Variants in SHISA9 observed in about 807,000 individuals in gnomAD.
SHISA9 encodes the protein protein shisa-9.
A neutral mutation model predicts 38.0 loss-of-function variants in SHISA9; 13 were observed. The ratio of observed to expected loss-of-function variants is 0.34; its 90% confidence interval spans 0.22 to 0.54. The LOEUF (loss-of-function observed/expected upper bound fraction) is 0.54, where lower values mean the gene tolerates loss of function less well. Among genes scored for constraint, SHISA9 ranks in the 20% least tolerant of loss-of-function variants. SHISA9 has a pLI of 0.91. For missense variants in SHISA9, 538 were observed against 575.8 expected (o/e 0.93, Z 0.67); for synonymous variants, 275 against 242.0 (o/e 1.14, Z -1.27).
intron 1 of SHISA9, chr16:12,910,674 C>G: frequency 1.0e-6 from 1 of 985,350 alleles, no homozygotes; most frequent in Non-Finnish European, 1.2e-6. Context: ...ACATAATTCT[C>G]CTGAACTGGG....
the SHISA9 span, among the ~76,000 whole-genome samples, chr16:13,362,073 A>G: frequency 6.6e-6 from 1 of 152,108 alleles, no homozygotes; most frequent in Non-Finnish European, 1.5e-5. Flanking sequence ...TAGATTAAAA[A>G]TAGCTCCTGG....
At chr16:13,316,464 G>GA in the SHISA9 span, among the ~76,000 whole-genome samples, 2 of 152,134 alleles carry the variant, frequency 1.3e-5, no homozygotes, top group East Asian at 3.9e-4. Flanking sequence ...ACCCATGAGG[G>GA]ATCTACTTTG....
the SHISA9 span, among the ~76,000 whole-genome samples, chr16:13,346,527 G>A: frequency 0.095 from 14,501 of 152,092 alleles, 784 homozygotes; most frequent in South Asian, 0.22. Context: ...CCTTGTTGTT[G>A]GCTTTCACAA....
At chr16:12,947,583 A>G (rs1215706072) in intron 2 of SHISA9, among the ~76,000 whole-genome samples, 2 of 152,174 alleles carry the variant, frequency 1.3e-5, no homozygotes, top group South Asian at 2.1e-4. Context: ...CAGCTTGGGG[A>G]GACATCACGT....
At chr16:12,968,238 G>A in intron 2 of SHISA9, among the ~76,000 whole-genome samples, 1 of 136,158 alleles carries the variant, frequency 7.3e-6, no homozygotes, top group Non-Finnish European at 1.5e-5. Context: ...CCAGAGCTCA[G>A]GCTACATATA....
the SHISA9 span, among the ~76,000 whole-genome samples, chr16:13,502,228 G>T: frequency 7.1e-6 from 1 of 141,552 alleles, no homozygotes; most frequent in Non-Finnish European, 1.6e-5. Flanking sequence ...CAAGCATTTG[G>T]AGAAAAAGAA....
chr16:12,999,986 A>T (rs2072504046), intron 2 of SHISA9, among the ~76,000 whole-genome samples: 1 of 152,214 alleles, frequency 6.6e-6, no homozygotes, highest in Non-Finnish European at 1.5e-5. Context: ...TAAACAGCCT[A>T]AACAGTCTGC....
chr16:13,492,830 C>T, the SHISA9 span, among the ~76,000 whole-genome samples: 4 of 152,082 alleles, frequency 2.6e-5, no homozygotes, highest in Admixed American at 6.6e-5. Context: ...CAAGAAACAG[C>T]GAGTTATATG....
chr16:13,123,818 A>C (rs1014308855), intron 2 of SHISA9, among the ~76,000 whole-genome samples: 1 of 152,198 alleles, frequency 6.6e-6, no homozygotes, highest in Non-Finnish European at 1.5e-5. Context: ...CACATTTCAA[A>C]TCCTGGCTCC....
the SHISA9 span, among the ~76,000 whole-genome samples, chr16:13,419,839 G>T: frequency 6.6e-6 from 1 of 152,094 alleles, no homozygotes; most frequent in African/African-American, 2.4e-5. Context: ...GCTGGATTTG[G>T]CCCATGAACC....
chr16:13,398,974 G>C, the SHISA9 span, among the ~76,000 whole-genome samples: 1 of 152,164 alleles, frequency 6.6e-6, no homozygotes, highest in African/African-American at 2.4e-5. Context: ...TAGAAATACA[G>C]ATAGGGCGTG....
chr16:13,299,462 T>G, the SHISA9 span, among the ~76,000 whole-genome samples: 5 of 152,146 alleles, frequency 3.3e-5, no homozygotes, highest in South Asian at 1.0e-3. Flanking sequence ...ACCTGTAATC[T>G]CAGCACTTTA....
chr16:13,069,948 G>A (rs1430453541), intron 2 of SHISA9, among the ~76,000 whole-genome samples: 1 of 152,102 alleles, frequency 6.6e-6, no homozygotes, highest in African/African-American at 2.4e-5. Context: ...GGTCTTCCCG[G>A]CCTGCAGAAC....
chr16:13,306,297 G>A, the SHISA9 span, among the ~76,000 whole-genome samples: 2 of 152,146 alleles, frequency 1.3e-5, no homozygotes, highest in African/African-American at 4.8e-5. Flanking sequence ...TTGTTGTTCA[G>A]TTAAACAAGT....
At chr16:13,215,299 G>A (rs543866014) in intron 4 of SHISA9, among the ~76,000 whole-genome samples, 3 of 152,312 alleles carry the variant, frequency 2.0e-5, no homozygotes, top group East Asian at 3.9e-4. Context: ...AACATCCTGA[G>A]TTGTTGCAGG....
chr16:12,999,810 G>A (rs2072501725), intron 2 of SHISA9, among the ~76,000 whole-genome samples: 1 of 152,158 alleles, frequency 6.6e-6, no homozygotes, highest in African/African-American at 2.4e-5. Flanking sequence ...TGAACATGGA[G>A]GATATACTCC....
the SHISA9 span, among the ~76,000 whole-genome samples, chr16:13,379,156 G>A: frequency 6.6e-6 from 1 of 152,126 alleles, no homozygotes; most frequent in Non-Finnish European, 1.5e-5. Context: ...GTATCCCAGA[G>A]GATGTCCAGA....
chr16:13,546,507 G>GTC, the SHISA9 span, among the ~76,000 whole-genome samples: 1 of 152,150 alleles, frequency 6.6e-6, no homozygotes. Context: ...TCAGTAGTAA[G>GTC]TCATTACCTA....
chr16:13,175,625 A>G (rs2050725375), intron 2 of SHISA9, among the ~76,000 whole-genome samples: 1 of 152,078 alleles, frequency 6.6e-6, no homozygotes, highest in Admixed American at 6.5e-5. Context: ...ATTGAAAGTT[A>G]TTTTTCAACT....
Sources: allele counts gnomAD v4.1 joint callset (sites outside exome capture counted in the v4.1 genomes callset), GRCh38; gene constraint gnomAD v4.1.1; transcripts MANE v1.5; gene names NCBI Gene and HGNC (gene_info 2026-07-23, HGNC 2026-07-21).